Variants in TTC6 observed in about 807,000 individuals in gnomAD.
The protein encoded by TTC6 is tetratricopeptide repeat domain 6.
Under a neutral mutation model 210.4 loss-of-function variants are expected in TTC6, and 172 were observed. The observed-to-expected ratio is 0.82, with a 90% CI of 0.72 to 0.93. TTC6 has a LOEUF of 0.93. Ranked by LOEUF, TTC6 falls within the 40% of genes least tolerant of loss-of-function variation. TTC6 has a pLI of 0.00. For synonymous variants in TTC6, 804 were observed against 819.6 expected (o/e 0.98, Z 0.32); for missense variants, 2,414 against 2,318.1 (o/e 1.04, Z -0.85).
At chr14:37,700,005 T>A (rs76487975) in intron 4 of TTC6, among the ~76,000 whole-genome samples, 1 of 152,136 alleles carries the variant, frequency 6.6e-6, no homozygotes, top group Non-Finnish European at 1.5e-5. Context: ...TCTGGGATAT[T>A]GCAGCTTTAA....
At chr14:37,729,447 C>T (rs2095880455) in intron 7 of TTC6, among the ~76,000 whole-genome samples, 1 of 152,226 alleles carries the variant, frequency 6.6e-6, no homozygotes, top group Admixed American at 6.5e-5. Context: ...GCAGACCTAA[C>T]ATGGCATTTG....
At chr14:37,842,324 A>G (rs778375509) in exon 31 of TTC6, 1 of 1,491,746 alleles carries the variant, frequency 6.7e-7, no homozygotes. Flanking sequence ...AGTAGTTTAC[A>G]CAGCTGTTCT....
At chr14:37,669,814 T>C (rs2095754972) in intron 1 of TTC6, among the ~76,000 whole-genome samples, 2 of 152,216 alleles carry the variant, frequency 1.3e-5, no homozygotes, top group Non-Finnish European at 2.9e-5. Flanking sequence ...TGTTGAATGA[T>C]GTAAACAAAA....
intron 10 of TTC6, among the ~76,000 whole-genome samples, chr14:37,747,093 C>G (rs896864414): frequency 3.3e-5 from 5 of 152,280 alleles, no homozygotes; most frequent in Non-Finnish European, 7.4e-5. Flanking sequence ...GTCCTAATGA[C>G]TTAAAGCTCT....
intron 29 of TTC6, among the ~76,000 whole-genome samples, chr14:37,836,352 G>A (rs1395262171): frequency 2.0e-5 from 3 of 152,118 alleles, no homozygotes; most frequent in Non-Finnish European, 4.4e-5. Context: ...AAATGTTTAT[G>A]TGCATTGTAG....
exon 23 of TTC6, chr14:37,807,424 C>G (rs1331334137): frequency 6.5e-7 from 1 of 1,529,520 alleles, no homozygotes; most frequent in Admixed American, 2.0e-5. Flanking sequence ...GCGTACGTGC[C>G]TATCTCTACA....
In TTC6 at chr14:37,606,256, G is replaced by C. The variant is rs78502851; in HGVS notation, c.-234-407G>C. Among the ~76,000 whole-genome samples, 1,519 of 152,194 alleles carry C rather than the reference G, an allele frequency of 1.0e-2. 14 individuals carry two copies. Among genetic ancestry groups the C allele is most frequent in the Middle Eastern group, 0.065 (19 of 294 alleles). On this transcript the variant is annotated intron_variant, in intron 1 of 2. Transcript: ENST00000556845. ...AGGCAACTTTTGGTAGGGGACTCTG[G>C]GGGTTATTCTCTGTTATACTCTCTG...
chr14:37,621,986 T>G, upstream of TTC6: 1 of 1,053,006 alleles, frequency 9.5e-7, no homozygotes, highest in Non-Finnish European at 1.3e-6. Context: ...TATTCCAGTT[T>G]TGTTTTATAT....
intron 1 of TTC6, among the ~76,000 whole-genome samples, chr14:37,644,859 C>G (rs1035905542): frequency 6.6e-6 from 1 of 152,132 alleles, no homozygotes; most frequent in African/African-American, 2.4e-5. Flanking sequence ...GTTAGATGAC[C>G]TAGGTTGGGA....
At chr14:37,833,268 T>G (rs559454586) in intron 29 of TTC6, among the ~76,000 whole-genome samples, 21 of 152,322 alleles carry the variant, frequency 1.4e-4, no homozygotes, top group Non-Finnish European at 2.8e-4. Context: ...TTACCTATAA[T>G]AATTGCTTTA....
intron 14 of TTC6, among the ~76,000 whole-genome samples, chr14:37,781,438 G>GTGTC (rs2096054461): frequency 6.6e-6 from 1 of 151,264 alleles, no homozygotes. Context: ...TTTTTGAAAA[G>GTGTC]TGTTCATATC....
chr14:37,804,561 A>G, intron 20 of TTC6, 119 bp from the exon 23 acceptor site: 2 of 1,305,606 alleles, frequency 1.5e-6, no homozygotes, highest in Non-Finnish European at 2.1e-6. Flanking sequence ...GTTTGTCCCC[A>G]GATAAAGTAA....
chr14:37,831,278 A>C (rs901743875), intron 29 of TTC6, among the ~76,000 whole-genome samples: 1 of 152,170 alleles, frequency 6.6e-6, no homozygotes, highest in Non-Finnish European at 1.5e-5. Flanking sequence ...ATGACACAAT[A>C]GTATTCCATT....
At chr14:37,728,687 C>A (rs928321626) in intron 7 of TTC6, among the ~76,000 whole-genome samples, 4 of 151,830 alleles carry the variant, frequency 2.6e-5, no homozygotes, top group Non-Finnish European at 5.9e-5. Flanking sequence ...GTGTTTTGGT[C>A]CTACTATTAT....
intron 1 of TTC6, among the ~76,000 whole-genome samples, chr14:37,634,358 G>A (rs1045328505): frequency 6.6e-6 from 1 of 152,096 alleles, no homozygotes; most frequent in Non-Finnish European, 1.5e-5. Context: ...CAGCAAATGG[G>A]TTCATTAGCT....
intron 10 of TTC6, among the ~76,000 whole-genome samples, chr14:37,747,099 G>A (rs552162449): frequency 6.6e-5 from 10 of 152,260 alleles, no homozygotes; most frequent in African/African-American, 2.2e-4. Context: ...ATGACTTAAA[G>A]CTCTTTGATC....
intron 14 of TTC6, among the ~76,000 whole-genome samples, chr14:37,755,966 T>G (rs778634437): frequency 5.3e-5 from 8 of 152,216 alleles, no homozygotes; most frequent in African/African-American, 1.2e-4. Flanking sequence ...TTCATGATAA[T>G]GATTCTTCCT....
In TTC6 at chr14:37,789,529, C is replaced by T. The variant is rs553127020; in HGVS notation, c.3437-1188C>T. Among the ~76,000 whole-genome samples the T allele has an allele frequency of 9.9e-4, 148 of 149,942 alleles. 1 individual carries two copies. The highest frequency in any genetic ancestry group is 3.3e-3 in the African/African-American group (134 of 40,810). ...AACCTGATATATGGCACTTGACATTCGCATTGTGGATCAAGTAGGGGAAAC... is the reference window on the plus strand; with the variant it reads ...AACCTGATATATGGCACTTGACATTTGCATTGTGGATCAAGTAGGGGAAAC... On this transcript the variant is annotated intron_variant, in intron 15 of 30. Coordinates refer to ENST00000553443, the Ensembl canonical transcript of TTC6.
upstream of TTC6, among the ~76,000 whole-genome samples, chr14:37,618,647 G>A (rs914010517): frequency 6.6e-6 from 1 of 152,174 alleles, no homozygotes; most frequent in African/African-American, 2.4e-5. Context: ...GGGGAATAAA[G>A]GCACTTAGCT....
Sources: allele counts gnomAD v4.1 joint callset (sites outside exome capture counted in the v4.1 genomes callset), GRCh38; gene constraint gnomAD v4.1.1; transcripts MANE v1.5; gene names NCBI Gene and HGNC (gene_info 2026-07-23, HGNC 2026-07-21).